The following DYSF variants were observed in gnomAD, a reference collection of about 807,000 sequenced individuals.
DYSF encodes dystrophy-associated fer-1-like 1.
DYSF carries 212 observed loss-of-function variants against 274.9 expected under a neutral mutation model. The ratio of observed to expected loss-of-function variants is 0.77; its 90% CI spans 0.69 to 0.86. DYSF has a LOEUF of 0.86. DYSF is among the 40% of genes least tolerant of loss of function. The probability of loss-of-function intolerance (pLI) is 0.00; values close to 1 mark genes in which losing one functional copy is unlikely to be tolerated. For synonymous variants in DYSF, 1,091 were observed against 1,078.7 expected (o/e 1.01, Z -0.22); for missense variants, 2,666 against 2,783.2 (o/e 0.96, Z 0.95).
At chr2:71,565,751 T>C (rs2092058975) in intron 24 of DYSF, among the ~76,000 whole-genome samples, 2 of 152,234 alleles carry the variant, frequency 1.3e-5, no homozygotes, top group South Asian at 4.1e-4. Context: ...CTGAATTGCC[T>C]GTTGTCTTAT....
At chr2:71,500,268 T>C (rs10174178) in intron 3 of DYSF, among the ~76,000 whole-genome samples, 31,671 of 152,018 alleles carry the variant, frequency 0.21, 3,926 homozygotes, top group African/African-American at 0.32. Flanking sequence ...CCCTGAGCAA[T>C]GCTTCCTGGG....
chr2:71,603,906 G>A (rs1355104640), intron 36 of DYSF, among the ~76,000 whole-genome samples: 1 of 152,196 alleles, frequency 6.6e-6, no homozygotes, highest in Non-Finnish European at 1.5e-5. Context: ...AACAGTGAAG[G>A]CTCAGATTCC....
chr2:71,483,023 G>A (rs13034586), intron 3 of DYSF, among the ~76,000 whole-genome samples: 13,673 of 152,126 alleles, frequency 0.09, 730 homozygotes, highest in Admixed American at 0.17. Context: ...CCTAGGGAAG[G>A]GCAATCAGGG....
chr2:71,547,204 G>A lies in DYSF; in HGVS notation c.1577-3837G>A, dbSNP rs73942320. ...TCTGCAGACACAGGGGCGAGAGCCCGGGATGGACCTTCACACCCAGAGACT... is the reference window on the plus strand; with the variant it reads ...TCTGCAGACACAGGGGCGAGAGCCCAGGATGGACCTTCACACCCAGAGACT... On this transcript the variant is annotated intron_variant, in intron 17 of 55. Coordinates refer to ENST00000410020, the MANE Select transcript of DYSF (RefSeq NM_001130987.2). Among the ~76,000 whole-genome samples the A allele has an allele frequency of 5.8e-3, 879 of 152,334 alleles. 15 individuals carry two copies. Among genetic ancestry groups the A allele is most frequent in the African/African-American group, 0.02 (833 of 41,570 alleles).
chr2:71,610,891 T>C (rs925921064), intron 36 of DYSF: 4 of 358,996 alleles, frequency 1.1e-5, no homozygotes, highest in East Asian at 7.0e-5. Flanking sequence ...CAGGATGGAA[T>C]AGGCAGTGTG....
Position 71,608,363 on chromosome 2 carries a change from G to C in DYSF, c.3958-2882G>C, listed in dbSNP as rs112760926. On this transcript the variant is annotated intron_variant, in intron 36 of 55. Coordinates refer to ENST00000410020, the MANE Select transcript of DYSF (RefSeq NM_001130987.2). ...GGAGGAGCATTTGGACGCATGGTCA[G>C]AGGGGGAGCCACAGAGGCAGGCAAC... 7.5e-4 allele frequency among the ~76,000 whole-genome samples: 114 copies of C among 152,250 alleles called. 1 individual carries two copies. The highest frequency in any genetic ancestry group is 2.4e-3 in the African/African-American group (101 of 41,540).
At chr2:71,672,507 G>A (rs2095143896) in intron 51 of DYSF, among the ~76,000 whole-genome samples, 2 of 152,210 alleles carry the variant, frequency 1.3e-5, no homozygotes, top group Non-Finnish European at 2.9e-5. Context: ...ACCACTGGTT[G>A]CCCCGGCCAG....
chr2:71,553,947 C>T lies in DYSF; in HGVS notation c.2109+16C>T, dbSNP rs759474088. 5 of 1,613,962 alleles carry T rather than the reference C, an allele frequency of 3.1e-6. No homozygotes were observed. The highest frequency in any genetic ancestry group is 2.7e-5 in the African/African-American group (2 of 74,930). Reference sequence around the variant, plus strand: ...TGACCGGCTGGTGAGTGAAAACTTGCCCAAAGCTGCACATGCCTATGCATG... The same window carrying T: ...TGACCGGCTGGTGAGTGAAAACTTGTCCAAAGCTGCACATGCCTATGCATG... On this transcript the variant is annotated intron_variant, in intron 21 of 55. Transcript: ENST00000410020.
At chr2:71,468,622 T>C (rs2081723339) in intron 1 of DYSF, among the ~76,000 whole-genome samples, 1 of 152,216 alleles carries the variant, frequency 6.6e-6, no homozygotes, top group Admixed American at 6.5e-5. Flanking sequence ...AAAACAGAAA[T>C]ACCATACAAT....
intron 42 of DYSF, among the ~76,000 whole-genome samples, chr2:71,644,376 C>T (rs542879299): frequency 2.6e-5 from 4 of 152,264 alleles, no homozygotes; most frequent in African/African-American, 4.8e-5. Context: ...CAGGGTGGCC[C>T]CCTCACCGAT....
chr2:71,502,774 G>A (rs939933500), intron 3 of DYSF, among the ~76,000 whole-genome samples: 14 of 152,244 alleles, frequency 9.2e-5, no homozygotes, highest in East Asian at 1.9e-4. Context: ...AATCACTGCC[G>A]GCGGAGCCCT....
rs7573783 is a variant in DYSF, at chr2:71,488,938, G to T, written c.239+6968G>T. Among the ~76,000 whole-genome samples, 1,082 of 151,300 alleles carry T rather than the reference G, an allele frequency of 7.2e-3. 10 individuals carry two copies. Among genetic ancestry groups the T allele is most frequent in the African/African-American group, 0.025 (999 of 40,648 alleles). On this transcript the variant is annotated intron_variant, in intron 3 of 55. Transcript: ENST00000410020. The stretch of plus-strand genomic sequence containing the variant: ...GGAGACAACCTGAGAACTTTCCTGA[G>T]CCCCAATGCTCCTTCTCCTCCTTCC...
chr2:71,619,646 C>G (rs906723827), intron 40 of DYSF, among the ~76,000 whole-genome samples: 29 of 152,178 alleles, frequency 1.9e-4, no homozygotes, highest in African/African-American at 7.0e-4. Context: ...CTTCCCAGCA[C>G]CTACCCTCCT....
At chr2:71,465,947 G>C (rs1052096928), upstream of DYSF, among the ~76,000 whole-genome samples, 8 of 152,162 alleles carry the variant, frequency 5.3e-5, no homozygotes, top group Non-Finnish European at 1.2e-4. Context: ...GACTTGCAGG[G>C]GACAGAATGG....
chr2:71,556,387 G>C (rs563251803), intron 22 of DYSF, among the ~76,000 whole-genome samples: 1 of 152,330 alleles, frequency 6.6e-6, no homozygotes, highest in South Asian at 2.1e-4. Context: ...GAGCTGGCTG[G>C]GGGGTGGGGT....
chr2:71,564,396 G>A (rs1419714900), intron 24 of DYSF, among the ~76,000 whole-genome samples, 183 bp downstream of exon 24: 1 of 152,162 alleles, frequency 6.6e-6, no homozygotes. Flanking sequence ...AAGTCCCCAG[G>A]CCCCTGCACC....
intron 45 of DYSF, among the ~76,000 whole-genome samples, chr2:71,663,069 A>G (rs55689153): frequency 0.65 from 57,041 of 88,296 alleles, 19,108 homozygotes; most frequent in Middle Eastern, 0.76. Flanking sequence ...TAGGGAAGGA[A>G]GGGCCCTGCC....
intron 14 of DYSF, among the ~76,000 whole-genome samples, chr2:71,529,088 G>A (rs922729660): frequency 2.0e-5 from 3 of 152,176 alleles, no homozygotes; most frequent in African/African-American, 4.8e-5. Context: ...TCCGCCTGCT[G>A]CCCCTCTGAG....
At chr2:71,510,177 T>C (rs753772500) in intron 4 of DYSF, among the ~76,000 whole-genome samples, 11 of 152,242 alleles carry the variant, frequency 7.2e-5, no homozygotes, top group Non-Finnish European at 8.8e-5. Context: ...GCCCTAGCCC[T>C]GGAAGTAGTT....
Sources: gnomAD v4.1 joint callset for allele counts (sites outside exome capture counted in the v4.1 genomes callset) on GRCh38, gnomAD v4.1.1 for gene constraint, MANE v1.5 for transcripts, NCBI Gene and HGNC (gene_info 2026-07-23, HGNC 2026-07-21) for gene names.